Variants in WASF3 observed in about 807,000 individuals in gnomAD.
The protein encoded by WASF3 is WASP family member 3.
Under a neutral mutation model 46.6 loss-of-function variants are expected in WASF3, and 11 were observed. The observed-to-expected ratio is 0.24, with a 90% CI of 0.15 to 0.39. The LOEUF (loss-of-function observed/expected upper bound fraction) is 0.39, where lower values mean the gene tolerates loss of function less well. Among genes scored for constraint, WASF3 ranks in the 10% least tolerant of loss-of-function variants. The pLI is 1.00. For missense variants in WASF3, 576 were observed against 669.8 expected (o/e 0.86, Z 1.55); for synonymous variants, 242 against 259.7 (o/e 0.93, Z 0.65).
chr13:26,635,956 A>G (rs994999404), intron 2 of WASF3, among the ~76,000 whole-genome samples: 6 of 152,232 alleles, frequency 3.9e-5, no homozygotes, highest in African/African-American at 1.4e-4. Context: ...CAGTTAGGCT[A>G]CATGGGGGTC....
intron 2 of WASF3, among the ~76,000 whole-genome samples, chr13:26,615,341 G>A (rs753137967): frequency 2.0e-5 from 3 of 151,650 alleles, no homozygotes; most frequent in Admixed American, 6.6e-5. Flanking sequence ...ACGGAGTCTC[G>A]CTCTGTCACC....
chr13:26,566,537 GT>G (rs2137146474), intron 1 of WASF3, among the ~76,000 whole-genome samples: 1 of 152,338 alleles, frequency 6.6e-6, no homozygotes, highest in Admixed American at 6.5e-5. Flanking sequence ...AGAAGCATCT[GT>G]TTCTCACCTA....
At chr13:26,556,863 C>A (rs1292448222), upstream of WASF3, among the ~76,000 whole-genome samples, 1 of 152,168 alleles carries the variant, frequency 6.6e-6, no homozygotes, top group Non-Finnish European at 1.5e-5. Flanking sequence ...AGAATAAAGG[C>A]ATGCAAATTA....
chr13:26,662,906 T>C (rs922210082), intron 3 of WASF3, among the ~76,000 whole-genome samples: 14 of 152,344 alleles, frequency 9.2e-5, no homozygotes, highest in African/African-American at 3.4e-4. Flanking sequence ...CACATACTTA[T>C]TAGATTTTAT....
chr13:26,653,628 G>C (rs1472996683), intron 3 of WASF3, among the ~76,000 whole-genome samples: 1 of 152,098 alleles, frequency 6.6e-6, no homozygotes, highest in Non-Finnish European at 1.5e-5. Context: ...CCTCACTCTG[G>C]TGTTTTTCCT....
intron 7 of WASF3, among the ~76,000 whole-genome samples, chr13:26,677,490 T>A (rs186098289): frequency 6.6e-6 from 1 of 152,246 alleles, no homozygotes; most frequent in Non-Finnish European, 1.5e-5. Context: ...TGATCAAGAA[T>A]GTTTCAAAAC....
rs376555572 is a variant in WASF3, at chr13:26,682,878, A to G, written c.1255A>G (p.Met419Val). The part of the protein sequence containing the change: ...GPGSSLSSSP[M>V]HGPPVAEAKR... Reference sequence around the variant, plus strand: ...CGGGTCTTCTCTTTCGTCCTCCCCAATGCATGGCCCCCCAGTAGCTGAGGC... The same window carrying G: ...CGGGTCTTCTCTTTCGTCCTCCCCAGTGCATGGCCCCCCAGTAGCTGAGGC... The change falls in exon 9 of 10, where the codon ATG becomes GTG. Residue 419 changes from methionine to valine, a missense_variant. Coordinates refer to ENST00000335327, the MANE Select transcript of WASF3 (RefSeq NM_006646.6). The surrounding 1 kb of genome is among the most constrained non-coding windows in gnomAD (Gnocchi z 4.4). 116 of 1,611,676 alleles carry G rather than the reference A, an allele frequency of 7.2e-5. No individual in the cohort carries two copies. Among genetic ancestry groups the G allele is most frequent in the African/African-American group, 5.9e-4 (44 of 74,766 alleles).
At chr13:26,680,934 A>C in intron 7 of WASF3, 120 bp from the exon 8 acceptor site, 3 of 1,311,152 alleles carry the variant, frequency 2.3e-6, no homozygotes, top group Non-Finnish European at 3.2e-6. Context: ...ATAGTAAAGC[A>C]AATTAATGTC....
rs59001910 is a variant in WASF3 at position 26,662,867 on chromosome 13, TCATACACATACACATACACATACA to T, written c.134-2149_134-2126del. On this transcript the variant is annotated intron_variant, in intron 3 of 9. Coordinates refer to ENST00000335327, the MANE Select transcript of WASF3 (RefSeq NM_006646.6). ...AGTGCAGTGCACAGGGCCCTCTGTG[TCATACACATACACATACACATACA>T]CATACACATACTTATTAGATTTTAT... is the stretch of plus-strand genomic sequence containing the variant. 1.4e-4 allele frequency among the ~76,000 whole-genome samples: 21 copies of T among 151,376 alleles called. No homozygotes were observed. In the East Asian group the frequency reaches 4.1e-3, roughly 29 times the overall value.
At chr13:26,584,457 GACT>G (rs1880071881) in intron 1 of WASF3, among the ~76,000 whole-genome samples, 1 of 152,186 alleles carries the variant, frequency 6.6e-6, no homozygotes, top group South Asian at 2.1e-4. Flanking sequence ...TTGAAATGAA[GACT>G]ATATGGTCTC....
Position 26,618,502 on chromosome 13 carries a change from C to G in WASF3, c.-11+5444C>G, listed in dbSNP as rs559883167. 8.0e-4 allele frequency among the ~76,000 whole-genome samples: 121 copies of G among 151,584 alleles called. 1 individual carries two copies. Among genetic ancestry groups the G allele is most frequent in the African/African-American group, 2.8e-3 (117 of 41,250 alleles). On this transcript the variant is annotated intron_variant, in intron 2 of 9. Transcript: ENST00000335327. ...CACCGTCTCCCCCACCTCCGCCCCC[C>G]CGTCTCTTTCATACATGTAGGACTA... is the stretch of plus-strand genomic sequence containing the variant.
At chr13:26,543,017 A>G in the WASF3 span, among the ~76,000 whole-genome samples, 1 of 152,216 alleles carries the variant, frequency 6.6e-6, no homozygotes, top group Non-Finnish European at 1.5e-5. Context: ...GGTAATGAAC[A>G]GTAAAACATG....
chr13:26,563,745 C>T (rs1398542008), intron 1 of WASF3, among the ~76,000 whole-genome samples: 1 of 147,788 alleles, frequency 6.8e-6, no homozygotes, highest in African/African-American at 2.5e-5. Context: ...TGTTTCTTCT[C>T]TGTGCCTGCA....
upstream of WASF3, among the ~76,000 whole-genome samples, chr13:26,554,153 G>A (rs1252986229): frequency 1.4e-5 from 1 of 72,424 alleles, no homozygotes; most frequent in African/African-American, 4.6e-5. Flanking sequence ...CTTTGACAGA[G>A]TCTTACTCTG....
At chr13:26,559,161 C>G (rs1879200562) in intron 1 of WASF3, among the ~76,000 whole-genome samples, 1 of 152,168 alleles carries the variant, frequency 6.6e-6, no homozygotes, top group Non-Finnish European at 1.5e-5. Context: ...CTCTCCAGCT[C>G]CCTTCTCCCA....
intron 3 of WASF3, among the ~76,000 whole-genome samples, chr13:26,655,880 A>G (rs1009288123): frequency 6.6e-6 from 1 of 152,154 alleles, no homozygotes; most frequent in Non-Finnish European, 1.5e-5. Flanking sequence ...TCTCGGAAGT[A>G]AAGTCCTTTG....
intron 1 of WASF3, among the ~76,000 whole-genome samples, chr13:26,584,506 T>C: frequency 6.6e-6 from 1 of 152,194 alleles, no homozygotes; most frequent in East Asian, 1.9e-4. Flanking sequence ...TGCACTTTAT[T>C]GAGAGTTCTG....
At chr13:26,613,299 A>G (rs546631242) in intron 2 of WASF3, among the ~76,000 whole-genome samples, 78 of 151,960 alleles carry the variant, frequency 5.1e-4, no homozygotes, top group African/African-American at 1.8e-3. Context: ...TTCCATGTTA[A>G]TTTTTTTGTG....
At chr13:26,659,424 A>G (rs1007090457) in intron 3 of WASF3, among the ~76,000 whole-genome samples, 9 of 152,302 alleles carry the variant, frequency 5.9e-5, no homozygotes, top group African/African-American at 2.2e-4. Context: ...GTAGGAGCTT[A>G]TAAGTGGTCA....
Sources: allele counts gnomAD v4.1 joint callset (sites outside exome capture counted in the v4.1 genomes callset), GRCh38; gene constraint gnomAD v4.1.1; non-coding constraint Gnocchi (gnomAD v3.1); transcripts MANE v1.5; gene names NCBI Gene and HGNC (gene_info 2026-07-23, HGNC 2026-07-21).